MRPS27: variants seen among roughly 807,000 people sequenced by gnomAD.
The protein encoded by MRPS27 is small ribosomal subunit protein mS27.
A neutral mutation model predicts 48.9 loss-of-function variants in MRPS27; 43 were observed. The ratio of observed to expected loss-of-function variants is 0.88; its 90% CI spans 0.69 to 1.13. MRPS27 has a LOEUF of 1.13. Ranked by LOEUF, MRPS27 falls within the 50% of genes most tolerant of loss-of-function variation. The pLI, the probability that MRPS27 is intolerant of heterozygous loss-of-function variation, is 0.00. For synonymous variants in MRPS27, 188 were observed against 171.9 expected, an observed-to-expected ratio of 1.09 and a Z score of -0.73; for missense variants, 467 against 476.3, an observed-to-expected ratio of 0.98 and a Z score of 0.18.
intron 4 of MRPS27, among the ~76,000 whole-genome samples, chr5:72,290,280 C>T (rs947832976): frequency 1.3e-5 from 2 of 152,128 alleles, no homozygotes; most frequent in Non-Finnish European, 2.9e-5. Flanking sequence ...GGAAAAAGTT[C>T]CCATTGTATA....
rs770433027 is a variant in MRPS27 at position 72,226,168 on chromosome 5, A to G, written c.726T>C (p.Ala242=). Reference sequence around the variant, plus strand: ...ATATCAGAGGCATGTTGTGGTACACAGCCCGTAGCCCTTGCTGCAACTCCA... The same window carrying G: ...ATATCAGAGGCATGTTGTGGTACACGGCCCGTAGCCCTTGCTGCAACTCCA... ...GKVELQQGLR[A]VYHNMPLIWK... is the part of the protein sequence containing the mutation. The change falls in exon 9 of 11, where the codon GCT becomes GCC. Residue 242 remains alanine (A), a synonymous_variant. Transcript: ENST00000261413. 7 of 1,613,790 alleles carry G rather than the reference A, an allele frequency of 4.3e-6. No individual in the cohort carries two copies. In the South Asian group the frequency reaches 7.7e-5, roughly 18 times the overall value.
chr5:72,261,069 G>A (rs898778908), intron 4 of MRPS27, among the ~76,000 whole-genome samples: 1 of 152,040 alleles, frequency 6.6e-6, no homozygotes, highest in African/African-American at 2.4e-5. Context: ...TCGCCATGTT[G>A]CCCAGACTGG....
chr5:72,228,195 T>C (rs1310727812), intron 8 of MRPS27, 71 bp downstream of exon 8: 3 of 1,310,646 alleles, frequency 2.3e-6, no homozygotes, highest in Non-Finnish European at 3.3e-6. Flanking sequence ...AATTACAATT[T>C]TATTATGAAC....
At chr5:72,313,338 T>C (rs1056233555) in intron 2 of MRPS27, among the ~76,000 whole-genome samples, 1 of 152,234 alleles carries the variant, frequency 6.6e-6, no homozygotes, top group Admixed American at 6.5e-5. Context: ...TGGGGGAATA[T>C]ATTAGATCAG....
At chr5:72,268,699 C>T (rs1365331502) in intron 4 of MRPS27, among the ~76,000 whole-genome samples, 1 of 152,100 alleles carries the variant, frequency 6.6e-6, no homozygotes, top group Non-Finnish European at 1.5e-5. Flanking sequence ...CTTTCTTCTA[C>T]AAAAGAGGAG....
intron 4 of MRPS27, among the ~76,000 whole-genome samples, chr5:72,279,488 G>A (rs1302423595): frequency 6.6e-6 from 1 of 152,086 alleles, no homozygotes; most frequent in Non-Finnish European, 1.5e-5. Flanking sequence ...CAGGTGCAGT[G>A]GCTCACGCCT....
chr5:72,241,547 G>T, intron 4 of MRPS27: 1 of 1,177,230 alleles, frequency 8.5e-7, no homozygotes, highest in Non-Finnish European at 1.2e-6. Flanking sequence ...AAGAATTCCT[G>T]TTGGTGACTT....
intron 4 of MRPS27, chr5:72,241,727 C>T (rs1353560133): frequency 6.5e-7 from 1 of 1,529,706 alleles, no homozygotes; most frequent in Non-Finnish European, 8.8e-7. Flanking sequence ...ATACAACTAA[C>T]ACATTGATTT....
chr5:72,250,131 A>G (rs1470426841), intron 4 of MRPS27, among the ~76,000 whole-genome samples: 1 of 152,246 alleles, frequency 6.6e-6, no homozygotes, highest in African/African-American at 2.4e-5. Context: ...CCTGATAATA[A>G]ATTTTGAAAA....
chr5:72,249,302 T>C (rs1253732674), intron 4 of MRPS27, among the ~76,000 whole-genome samples: 1 of 152,206 alleles, frequency 6.6e-6, no homozygotes, highest in Non-Finnish European at 1.5e-5. Context: ...CAACCTACTA[T>C]GAATCAGGAT....
rs562681306 is a variant in MRPS27, at chr5:72,272,943, C to T, written c.281+22588G>A. Among the ~76,000 whole-genome samples, 6 of 151,972 alleles carry T rather than the reference C, an allele frequency of 3.9e-5. No individual in the cohort carries two copies. In the East Asian group the frequency reaches 1.2e-3, roughly 29 times the overall value. ...TACATGAGTATATATACTATTTTGTCTAGTGTTATATATGTTTAAAATTTT... is the reference window on the plus strand; with the variant it reads ...TACATGAGTATATATACTATTTTGTTTAGTGTTATATATGTTTAAAATTTT... On this transcript the variant is annotated intron_variant, in intron 4 of 10. Coordinates refer to ENST00000261413, the MANE Select transcript of MRPS27 (RefSeq NM_015084.3).
chr5:72,263,790 G>T (rs1366824464), intron 4 of MRPS27, among the ~76,000 whole-genome samples: 1 of 152,004 alleles, frequency 6.6e-6, no homozygotes, highest in Non-Finnish European at 1.5e-5. Flanking sequence ...TACACTGCTG[G>T]AGCAAAAGTA....
At chr5:72,279,673 CA>C (rs1242696535) in intron 4 of MRPS27, among the ~76,000 whole-genome samples, 1 of 151,682 alleles carries the variant, frequency 6.6e-6, no homozygotes, top group Non-Finnish European at 1.5e-5. Flanking sequence ...CAAAACAAAA[CA>C]AAATAAAACA....
intron 4 of MRPS27, among the ~76,000 whole-genome samples, chr5:72,283,909 T>C (rs1749596529): frequency 6.6e-6 from 1 of 152,084 alleles, no homozygotes; most frequent in Non-Finnish European, 1.5e-5. Context: ...CTGATCCAAT[T>C]TTTTCCCTCC....
intron 10 of MRPS27, among the ~76,000 whole-genome samples, chr5:72,222,715 A>C (rs1017864626): frequency 2.0e-5 from 3 of 152,174 alleles, no homozygotes; most frequent in Admixed American, 2.0e-4. Context: ...TTCTCATCCC[A>C]GCTATACTGC....
At chr5:72,295,634 C>G (rs753930308) in intron 3 of MRPS27, 45 bp from the exon 4 acceptor site, 26 of 1,486,178 alleles carry the variant, frequency 1.7e-5, no homozygotes, top group South Asian at 4.6e-5. Flanking sequence ...TAAATTATGT[C>G]ATATATTTGG....
intron 4 of MRPS27, chr5:72,241,667 G>A (rs1197330396): frequency 2.3e-5 from 35 of 1,535,374 alleles, no homozygotes; most frequent in Non-Finnish European, 3.0e-5. Context: ...TCTGTGGATT[G>A]CTGGATGAGC....
Position 72,295,524 on chromosome 5 carries a change from AACTT to A in MRPS27, c.281+3_281+6del. Reference sequence around the variant, plus strand: ...GAGTACATAGCCAAATCAAATGGAAAACTTACTTGTAAAGGTAATACTCTGCATG... The same window carrying A: ...GAGTACATAGCCAAATCAAATGGAAAACTTGTAAAGGTAATACTCTGCATG... On this transcript the variant is annotated splice_donor_5th_base_variant and intron_variant, in intron 4 of 10. Coordinates refer to ENST00000261413, the MANE Select transcript of MRPS27 (RefSeq NM_015084.3). The A allele has an allele frequency of 6.2e-7, 1 of 1,602,276 alleles. No homozygotes were observed. The highest frequency in any genetic ancestry group is 8.5e-7 in the Non-Finnish European group (1 of 1,169,842).
chr5:72,261,254 T>C (rs1172623304), intron 4 of MRPS27, among the ~76,000 whole-genome samples: 3 of 152,070 alleles, frequency 2.0e-5, no homozygotes, highest in Non-Finnish European at 1.5e-5. Context: ...TATGTATGTA[T>C]GTATGTATGT....
Sources: gnomAD v4.1 joint callset for allele counts (sites outside exome capture counted in the v4.1 genomes callset) on GRCh38, gnomAD v4.1.1 for gene constraint, MANE v1.5 for transcripts, NCBI Gene and HGNC (gene_info 2026-07-23, HGNC 2026-07-21) for gene names.